MCM5: variants seen among roughly 807,000 people sequenced by gnomAD.
The protein encoded by MCM5 is minichromosome maintenance complex component 5, also known as DNA replication licensing factor MCM5.
In MCM5, 46 loss-of-function variants were observed where a neutral mutation model predicts 79.9. That is an observed-to-expected ratio of 0.58 (90% CI 0.45 to 0.74). MCM5 has a LOEUF of 0.74. Among genes scored for constraint, MCM5 ranks in the 30% least tolerant of loss-of-function variants. The probability of loss-of-function intolerance (pLI) is 0.00; values close to 1 mark genes in which losing one functional copy is unlikely to be tolerated. For synonymous variants in MCM5, 404 were observed against 390.5 expected (o/e 1.03, Z -0.41); for missense variants, 883 against 1,017.0 (o/e 0.87, Z 1.79).
chr22:35,416,810 A>T lies in MCM5; in HGVS notation c.1586A>T (p.Asp529Val). The part of the protein sequence containing the change: ...IVKDEHNEER[D>V]VMLAKHVITL... ...AAGGATGAGCACAATGAGGAGAGGG[A>T]TGTGGTACGTCCAGGGGCAGGGCTG... Residue 529 changes from aspartate (D) to valine (V), a missense_variant, in exon 12 of 17, where the codon GAT becomes GTT. By Grantham distance (152) the Asp-to-Val change is radical (BLOSUM62 -3). Coordinates refer to ENST00000216122, the MANE Select transcript of MCM5 (RefSeq NM_006739.4). 1 of 1,613,554 alleles carries T rather than the reference A, an allele frequency of 6.2e-7. No individual in the cohort carries two copies. Among genetic ancestry groups the T allele is most frequent in the African/African-American group, 1.3e-5 (1 of 75,008 alleles).
downstream of MCM5, among the ~76,000 whole-genome samples, chr22:35,428,997 T>TTTC (rs1314299071): frequency 5.5e-5 from 8 of 145,094 alleles, no homozygotes; most frequent in South Asian, 2.3e-4. Context: ...TTTTTTTTTT[T>TTTC]CTTTTTTGAG....
chr22:35,431,898 C>T, the MCM5 span, among the ~76,000 whole-genome samples: 8 of 152,318 alleles, frequency 5.3e-5, no homozygotes, highest in Middle Eastern at 3.4e-3. Flanking sequence ...ATAGAGGACA[C>T]TCAGCATGGC....
At chr22:35,451,898 G>C in the MCM5 span, among the ~76,000 whole-genome samples, 1 of 152,220 alleles carries the variant, frequency 6.6e-6, no homozygotes, top group South Asian at 2.1e-4. Context: ...AGGGAATCCA[G>C]GCCCTGTGGC....
At chr22:35,413,177 G>A (rs1319983536) in intron 8 of MCM5, among the ~76,000 whole-genome samples, 1 of 151,950 alleles carries the variant, frequency 6.6e-6, no homozygotes, top group Non-Finnish European at 1.5e-5. Context: ...CGAGTAGCTG[G>A]GACTACAGGC....
chr22:35,419,375 A>G (rs954301170), intron 13 of MCM5, among the ~76,000 whole-genome samples: 3 of 152,108 alleles, frequency 2.0e-5, no homozygotes, highest in Admixed American at 1.3e-4. Context: ...CCCCACACCT[A>G]CCGTCCCAGG....
Position 35,423,349 on chromosome 22 carries a change from T to C in MCM5, c.2103+8T>C. On this transcript the variant is annotated splice_region_variant and intron_variant, in intron 16 of 16. Transcript: ENST00000216122. ...AAGGACTTCACCAAGCAGGTGAGCC[T>C]GCCTTGGAGTGGGGGTGTGAGCCGG... 1.3e-6 allele frequency: 2 copies of C among 1,589,680 alleles called. No individual in the cohort carries two copies. The highest frequency in any genetic ancestry group is 2.2e-5 in the South Asian group (2 of 88,898).
intron 4 of MCM5, among the ~76,000 whole-genome samples, chr22:35,406,259 T>C (rs1308200357): frequency 6.7e-6 from 1 of 148,498 alleles, no homozygotes; most frequent in Non-Finnish European, 1.5e-5. Flanking sequence ...CCTGCCACTT[T>C]GTAGTGAAAT....
Position 35,424,200 on chromosome 22 carries a change from G to A in MCM5, c.2150G>A (p.Arg717Gln), listed in dbSNP as rs757467768. 23 of 1,553,006 alleles carry A rather than the reference G, an allele frequency of 1.5e-5. No homozygotes were observed. Among genetic ancestry groups the A allele is most frequent in the Admixed American group, 2.0e-5 (1 of 51,210 alleles). ...CACAAGGTGCTGCAGCTCATGCTGCGGCGCGGCGAGATCCAGCATCGCATG... is the reference window on the plus strand; with the variant it reads ...CACAAGGTGCTGCAGCTCATGCTGCAGCGCGGCGAGATCCAGCATCGCATG... ...AIHKVLQLML[R>Q]RGEIQHRMQR... Residue 717 changes from arginine to glutamine, a missense_variant, in exon 17 of 17, where the codon CGG (arginine) becomes CAG (glutamine). By Grantham distance (43) the Arg-to-Gln change is conservative. Coordinates refer to ENST00000216122, the MANE Select transcript of MCM5 (RefSeq NM_006739.4).
the MCM5 span, among the ~76,000 whole-genome samples, chr22:35,441,800 G>A: frequency 1.3e-5 from 2 of 152,096 alleles, no homozygotes; most frequent in Admixed American, 1.3e-4. Flanking sequence ...CCAGGCCAGG[G>A]AAGGAAAAAG....
chr22:35,445,806 C>G, the MCM5 span, among the ~76,000 whole-genome samples: 1 of 152,142 alleles, frequency 6.6e-6, no homozygotes, highest in Non-Finnish European at 1.5e-5. Flanking sequence ...CCACCACACT[C>G]GGCCCTGCAT....
At chr22:35,413,764 G>A (rs1932456222) in intron 8 of MCM5, 111 bp from the exon 9 acceptor site, 1 of 701,190 alleles carries the variant, frequency 1.4e-6, no homozygotes, top group South Asian at 1.6e-5. Context: ...CCAACTCTGA[G>A]GCCCATGATA....
At chr22:35,421,234 C>A in intron 14 of MCM5, 84 bp from the exon 15 acceptor site, 1 of 1,457,500 alleles carries the variant, frequency 6.9e-7, no homozygotes, top group Non-Finnish European at 9.2e-7. Context: ...CCACTTTGGG[C>A]AAGCACCTCC....
chr22:35,419,679 C>T (rs919644230), intron 13 of MCM5, among the ~76,000 whole-genome samples: 5 of 152,322 alleles, frequency 3.3e-5, no homozygotes, highest in Admixed American at 3.3e-4. Flanking sequence ...CCATATTTCT[C>T]CCCAGTGTTG....
Position 35,419,957 on chromosome 22 carries a change from G to A in MCM5, c.1777G>A (p.Ala593Thr). The A allele has an allele frequency of 6.2e-7, 1 of 1,613,284 alleles. No individual in the cohort carries two copies. The highest frequency in any genetic ancestry group is 8.5e-7 in the Non-Finnish European group (1 of 1,179,734). The change falls in exon 14 of 17, where the codon GCC (alanine) becomes ACC (threonine). Residue 593 changes from alanine (A) to threonine (T), a missense_variant. Ala to Thr is a moderately conservative substitution (Grantham distance 58). Transcript: ENST00000216122. ...CCGCTACATCATCATGCGGAGCGGGGCCCGTCAGCACGAGAGGGACAGTGA... is the reference window on the plus strand; with the variant it reads ...CCGCTACATCATCATGCGGAGCGGGACCCGTCAGCACGAGAGGGACAGTGA... Reference protein sequence around the residue: ...KNRYIIMRSGARQHERDSDRR... With the variant: ...KNRYIIMRSGTRQHERDSDRR...
At chr22:35,449,930 C>A in the MCM5 span, among the ~76,000 whole-genome samples, 1 of 152,078 alleles carries the variant, frequency 6.6e-6, no homozygotes, top group Non-Finnish European at 1.5e-5. Context: ...TACAGGTGTG[C>A]ACCACCATGC....
chr22:35,426,029 CAG>C (rs1319401654), downstream of MCM5, among the ~76,000 whole-genome samples: 2 of 152,196 alleles, frequency 1.3e-5, no homozygotes, highest in East Asian at 3.9e-4. Flanking sequence ...GGATGCTGGG[CAG>C]AGACAGTCCT....
rs1046214417 is a variant in MCM5 at position 35,425,045 on chromosome 22, CTGAGTT to C, written c.*792_*797del. The C allele has an allele frequency of 7.9e-5, 12 of 152,194 alleles. No homozygotes were observed. Among genetic ancestry groups the C allele is most frequent in the Non-Finnish European group, 1.3e-4 (9 of 68,038 alleles). 9.4% of individuals were successfully genotyped at this position (152,194 alleles called of 1,614,324 possible). On this transcript the variant is annotated 3_prime_UTR_variant, in exon 17 of 17. Transcript: ENST00000216122. ...GGCGAGACATTTCACTTTTCTGTGC[CTGAGTT>C]TATCAGTAAACTGGAGATGGGGGGA...
intron 9 of MCM5, among the ~76,000 whole-genome samples, chr22:35,414,995 C>T (rs1307978511): frequency 6.6e-6 from 1 of 152,152 alleles, no homozygotes; most frequent in Non-Finnish European, 1.5e-5. Flanking sequence ...GCCACACTGG[C>T]ACTGTCCAGT....
downstream of MCM5, among the ~76,000 whole-genome samples, chr22:35,426,894 C>T (rs766448868): frequency 1.3e-5 from 2 of 152,334 alleles, no homozygotes; most frequent in Non-Finnish European, 2.9e-5. Flanking sequence ...CTATGAGAGC[C>T]GCTCCACCCC....
Sources: gnomAD v4.1 joint callset for allele counts (sites outside exome capture counted in the v4.1 genomes callset) on GRCh38, gnomAD v4.1.1 for gene constraint, MANE v1.5 for transcripts, NCBI Gene and HGNC (gene_info 2026-07-23, HGNC 2026-07-21) for gene names.